The following MAPKAP1 variants were observed in gnomAD, a reference collection of about 807,000 sequenced individuals.
The protein encoded by MAPKAP1 is MAPK associated protein 1, also known as target of rapamycin complex 2 subunit MAPKAP1.
Under a neutral mutation model 65.7 loss-of-function variants are expected in MAPKAP1, and 20 were observed. The observed-to-expected ratio is 0.30, with a 90% confidence interval of 0.21 to 0.44. The LOEUF is 0.44. Ranked by LOEUF, MAPKAP1 falls within the 20% of genes least tolerant of loss-of-function variation. The pLI is 1.00. For missense variants in MAPKAP1, 423 were observed against 648.0 expected, an observed-to-expected ratio of 0.65 and a Z score of 3.77; for synonymous variants, 222 against 244.3, an observed-to-expected ratio of 0.91 and a Z score of 0.85.
intron 4 of MAPKAP1, among the ~76,000 whole-genome samples, chr9:125,613,059 G>A (rs910300977): frequency 6.6e-5 from 10 of 152,306 alleles, no homozygotes; most frequent in Admixed American, 1.3e-4. Flanking sequence ...AACTAACCAA[G>A]GTTGACAGGA....
chr9:125,565,449 T>TA (rs1430878719), intron 5 of MAPKAP1: 4 of 165,408 alleles, frequency 2.4e-5, no homozygotes, highest in Admixed American at 6.7e-5. Flanking sequence ...ATGCTTATTG[T>TA]TTTTTTTTTA....
chr9:125,690,337 T>C (rs942052048), intron 1 of MAPKAP1, among the ~76,000 whole-genome samples: 4 of 152,346 alleles, frequency 2.6e-5, no homozygotes, highest in Admixed American at 6.5e-5. Context: ...GTGTGAGTTA[T>C]TGCAGAAGCA....
At chr9:125,581,484 C>T (rs1244386064) in intron 5 of MAPKAP1, among the ~76,000 whole-genome samples, 27 of 152,100 alleles carry the variant, frequency 1.8e-4, no homozygotes. Flanking sequence ...GTATGCATAT[C>T]CTCTTCAGTG....
chr9:125,459,975 C>G (rs1201704584), intron 10 of MAPKAP1, among the ~76,000 whole-genome samples: 1 of 152,116 alleles, frequency 6.6e-6, no homozygotes, highest in Middle Eastern at 3.2e-3. Flanking sequence ...CTAAGCTCTC[C>G]ATTTATTTAT....
intron 4 of MAPKAP1, among the ~76,000 whole-genome samples, chr9:125,654,533 A>C (rs1332948430): frequency 1.3e-5 from 2 of 152,210 alleles, no homozygotes; most frequent in Non-Finnish European, 2.9e-5. Context: ...CCTGACCCCA[A>C]AAATTGTCAA....
In MAPKAP1 at chr9:125,467,995, T is replaced by C. The variant is rs1418428187; in HGVS notation, c.1322A>G (p.Asp441Gly). The part of the protein sequence containing the change: ...SIDSDLLCAC[D>G]LAEEKSPSHA... ...ACTGGGGCTTTTCTCTTCAGCAAGG[T>C]CACAGGCACAGAGCAGGTCGGAATC... Residue 441 changes from aspartate (D) to glycine (G), a missense_variant, in exon 10 of 12, where the codon GAC becomes GGC. Transcript: ENST00000265960. 6.2e-7 allele frequency: 1 copy of C among 1,614,124 alleles called. No individual in the cohort carries two copies. Among genetic ancestry groups the C allele is most frequent in the Non-Finnish European group, 8.5e-7 (1 of 1,180,010 alleles).
At chr9:125,633,718 TAAC>T (rs1833351391) in intron 4 of MAPKAP1, among the ~76,000 whole-genome samples, 1 of 152,032 alleles carries the variant, frequency 6.6e-6, no homozygotes, top group South Asian at 2.1e-4. Flanking sequence ...ATAACATAAC[TAAC>T]TTTTCTAATT....
intron 10 of MAPKAP1, among the ~76,000 whole-genome samples, chr9:125,454,900 T>C (rs1446560884): frequency 7.2e-5 from 11 of 152,120 alleles, no homozygotes; most frequent in Non-Finnish European, 4.4e-5. Context: ...AAAGCACAGA[T>C]GTTGGCTGGG....
intron 6 of MAPKAP1, among the ~76,000 whole-genome samples, chr9:125,554,632 C>T (rs1013325541): frequency 4.6e-5 from 7 of 151,822 alleles, no homozygotes; most frequent in African/African-American, 1.7e-4. Flanking sequence ...GACCTTGTCT[C>T]TACTAAAAAT....
Position 125,672,454 on chromosome 9 carries a change from T to A in MAPKAP1, c.121A>T (p.Ile41Phe), listed in dbSNP as rs752308391. 6.2e-7 allele frequency: 1 copy of A among 1,614,180 alleles called. No homozygotes were observed. Among genetic ancestry groups the A allele is most frequent in the Admixed American group, 1.7e-5 (1 of 60,018 alleles). Residue 41 changes from isoleucine to phenylalanine, a missense_variant, in exon 2 of 12, where the codon ATT becomes TTT. Physicochemically the swap from Ile to Phe is conservative, Grantham distance 21 (BLOSUM62 0). Coordinates refer to ENST00000265960, the MANE Select transcript of MAPKAP1 (RefSeq NM_001006617.3). ...LIDHDVDLEK[I>F]HPPSMPGDSG... ...TCTCCAGGCATTGAAGGAGGATGAA[T>A]CTTCTCTAGGTCAACATCATGATCA...
intron 1 of MAPKAP1, among the ~76,000 whole-genome samples, chr9:125,680,292 C>A (rs928233890): frequency 6.6e-6 from 1 of 151,566 alleles, no homozygotes; most frequent in Non-Finnish European, 1.5e-5. Context: ...TTATAAAAAC[C>A]AACAGACCCT....
chr9:125,603,344 AC>A (rs1033467161), intron 4 of MAPKAP1, among the ~76,000 whole-genome samples: 2 of 152,204 alleles, frequency 1.3e-5, no homozygotes, highest in African/African-American at 4.8e-5. Context: ...AGGTGGCAGT[AC>A]CCAATTGTGC....
intron 3 of MAPKAP1, among the ~76,000 whole-genome samples, chr9:125,668,638 G>A (rs1834408142): frequency 6.6e-6 from 1 of 152,138 alleles, no homozygotes; most frequent in Non-Finnish European, 1.5e-5. Flanking sequence ...TTCTGAAATT[G>A]TTTTTCTCCC....
intron 5 of MAPKAP1, among the ~76,000 whole-genome samples, chr9:125,570,817 A>G (rs1831206000): frequency 6.6e-6 from 1 of 152,216 alleles, no homozygotes; most frequent in East Asian, 1.9e-4. Context: ...TCAGTGTGTG[A>G]ACATATTGGC....
intron 4 of MAPKAP1, among the ~76,000 whole-genome samples, chr9:125,648,873 G>A (rs531571936): frequency 2.0e-5 from 3 of 152,030 alleles, no homozygotes; most frequent in South Asian, 2.1e-4. Context: ...CCCGGGAGGC[G>A]GAGGTTGCAG....
At chr9:125,652,079 G>C in intron 4 of MAPKAP1, 3 of 1,242,676 alleles carry the variant, frequency 2.4e-6, no homozygotes, top group Non-Finnish European at 3.1e-6. Flanking sequence ...TTTCCACTAA[G>C]GGCAATTTTT....
chr9:125,667,791 G>C (rs1256985691), intron 3 of MAPKAP1, among the ~76,000 whole-genome samples: 2 of 152,124 alleles, frequency 1.3e-5, no homozygotes, highest in African/African-American at 4.8e-5. Flanking sequence ...AGACAGAGGA[G>C]CTTAAATAAA....
chr9:125,447,410 A>G lies in MAPKAP1; in HGVS notation c.1346-2812T>C. 2.2e-6 allele frequency: 1 copy of G among 456,638 alleles called. No individual in the cohort carries two copies. Among genetic ancestry groups the G allele is most frequent in the South Asian group, 1.5e-5 (1 of 64,568 alleles). 28.3% of individuals were successfully genotyped at this position (456,638 alleles called of 1,614,324 possible). A position where few individuals can be genotyped will look rare whatever the true frequency, so the allele number is the denominator to read the frequency against. On this transcript the variant is annotated intron_variant, in intron 10 of 11. Transcript: ENST00000265960. The surrounding 1 kb of genome is among the most constrained non-coding windows in gnomAD (Gnocchi z 4.5). ...GAACAATGACACAGCTGCAAAGTTAATCACTGGGCCGAGGCACGGTGGACA... is the reference window on the plus strand; with the variant it reads ...GAACAATGACACAGCTGCAAAGTTAGTCACTGGGCCGAGGCACGGTGGACA...
intron 9 of MAPKAP1, among the ~76,000 whole-genome samples, chr9:125,479,711 C>CAA (rs1427148068): frequency 6.6e-6 from 1 of 152,156 alleles, no homozygotes; most frequent in Non-Finnish European, 1.5e-5. Flanking sequence ...CATCAGAAGA[C>CAA]AAGCAACTGG....
Sources: gnomAD v4.1 joint callset for allele counts (sites outside exome capture counted in the v4.1 genomes callset) on GRCh38, gnomAD v4.1.1 for gene constraint, Gnocchi (gnomAD v3.1) non-coding constraint, MANE v1.5 for transcripts, NCBI Gene and HGNC (gene_info 2026-07-23, HGNC 2026-07-21) for gene names.